Variants in TBCK observed in about 807,000 individuals in gnomAD.
TBCK encodes the protein TBC1 domain containing kinase.
In TBCK, 99 loss-of-function variants were observed where a neutral mutation model predicts 113.4. The ratio of observed to expected loss-of-function variants is 0.87; its 90% confidence interval spans 0.74 to 1.03. The LOEUF is 1.03. TBCK is among the 50% of genes least tolerant of loss of function. The probability of loss-of-function intolerance (pLI) is 0.00; values close to 1 mark genes in which losing one functional copy is unlikely to be tolerated. For missense variants in TBCK, 1,045 were observed against 1,061.3 expected (o/e 0.98, Z 0.21); for synonymous variants, 369 against 370.8 (o/e 1.00, Z 0.05).
At chr4:106,187,802 T>C (rs1753196612) in intron 22 of TBCK, among the ~76,000 whole-genome samples, 2 of 152,284 alleles carry the variant, frequency 1.3e-5, no homozygotes, top group African/African-American at 4.8e-5. Context: ...AGTAATGTAT[T>C]TTTTTATTGG....
chr4:106,118,734 A>T (rs940169104), intron 23 of TBCK, among the ~76,000 whole-genome samples: 4 of 152,250 alleles, frequency 2.6e-5, no homozygotes, highest in Non-Finnish European at 5.9e-5. Flanking sequence ...GACTAAGAAG[A>T]GGATTTGTCC....
intron 1 of TBCK, among the ~76,000 whole-genome samples, chr4:106,314,385 T>C (rs896912015): frequency 2.6e-5 from 4 of 152,088 alleles, no homozygotes; most frequent in Non-Finnish European, 5.9e-5. Context: ...TCAGAGGAGA[T>C]TGTGAATGGT....
chr4:106,042,554 T>G lies in TBCK; in HGVS notation c.*4016A>C, dbSNP rs1241458683. 2.0e-5 allele frequency: 3 copies of G among 152,036 alleles called. No individual in the cohort carries two copies. Among genetic ancestry groups the G allele is most frequent in the Non-Finnish European group, 4.4e-5 (3 of 68,000 alleles). The allele number at this position is 152,036 out of a possible 1,614,324, so 9.4% of individuals were successfully genotyped here. On this transcript the variant is annotated 3_prime_UTR_variant, in exon 26 of 26. Transcript: ENST00000394708. ...TTTTGTATTTTTAGTAGAGATGGGG[T>G]TTCACCGTGTTAGCCAGGATGGTCT...
At chr4:106,262,451 A>G (rs1762594582) in intron 3 of TBCK, among the ~76,000 whole-genome samples, 1 of 152,074 alleles carries the variant, frequency 6.6e-6, no homozygotes, top group African/African-American at 2.4e-5. Context: ...GGCTACTGTA[A>G]TAGCAGTATT....
intron 25 of TBCK, among the ~76,000 whole-genome samples, chr4:106,068,710 T>C (rs1736972968): frequency 6.6e-6 from 1 of 152,200 alleles, no homozygotes; most frequent in South Asian, 2.1e-4. Flanking sequence ...TCTAGATCCT[T>C]GAGGAATCGC....
intron 1 of TBCK, among the ~76,000 whole-genome samples, chr4:106,309,570 G>A (rs888176254): frequency 5.9e-5 from 9 of 151,884 alleles, no homozygotes; most frequent in African/African-American, 2.2e-4. Flanking sequence ...TCAAAGTGCT[G>A]GGATTACAGG....
chr4:106,056,064 T>A (rs1735346296), intron 25 of TBCK, among the ~76,000 whole-genome samples: 1 of 151,138 alleles, frequency 6.6e-6, no homozygotes, highest in South Asian at 2.1e-4. Flanking sequence ...AGTAGAAGTC[T>A]TCTTTGAATT....
chr4:106,196,484 T>C (rs763788273), intron 20 of TBCK, among the ~76,000 whole-genome samples: 6 of 152,028 alleles, frequency 3.9e-5, no homozygotes, highest in Non-Finnish European at 8.8e-5. Flanking sequence ...AAGGTGCATA[T>C]TGTCTTTGCA....
chr4:106,161,728 G>T (rs1749817911), intron 23 of TBCK, among the ~76,000 whole-genome samples: 1 of 149,996 alleles, frequency 6.7e-6, no homozygotes. Flanking sequence ...GTGTGTGTGT[G>T]TATGTGTGTA....
At chr4:106,178,250 G>A (rs1179137692) in intron 22 of TBCK, among the ~76,000 whole-genome samples, 2 of 151,830 alleles carry the variant, frequency 1.3e-5, no homozygotes, top group Non-Finnish European at 2.9e-5. Context: ...CAAATATAAG[G>A]TCATGTCATC....
chr4:106,056,211 G>GA (rs1445528631), intron 25 of TBCK, among the ~76,000 whole-genome samples: 1 of 150,376 alleles, frequency 6.6e-6, no homozygotes, highest in African/African-American at 2.4e-5. Context: ...TCTGGTAACA[G>GA]TATCAGCAAC....
intron 25 of TBCK, among the ~76,000 whole-genome samples, chr4:106,092,331 C>T (rs1005183465): frequency 1.2e-4 from 18 of 152,250 alleles, no homozygotes; most frequent in African/African-American, 4.1e-4. Flanking sequence ...GCCCAGCTGG[C>T]TTCACCCAGT....
chr4:106,211,074 G>A (rs1756071723), intron 20 of TBCK, among the ~76,000 whole-genome samples: 1 of 151,984 alleles, frequency 6.6e-6, no homozygotes, highest in South Asian at 2.1e-4. Context: ...ACCGCACCTG[G>A]TTTCCAAACA....
intron 23 of TBCK, among the ~76,000 whole-genome samples, chr4:106,123,692 C>T (rs1285588720): frequency 4.6e-5 from 7 of 152,092 alleles, no homozygotes; most frequent in Admixed American, 6.5e-5. Flanking sequence ...TCAGAAATAA[C>T]GTCGCATATC....
At chr4:106,236,936 TC>T in intron 12 of TBCK, 128 bp from the exon 13 acceptor site, 1 of 448,100 alleles carries the variant, frequency 2.2e-6, no homozygotes. Flanking sequence ...TAAAATAGAG[TC>T]TAAAAATCAG....
chr4:106,245,936 A>G (rs549493180), intron 10 of TBCK, among the ~76,000 whole-genome samples: 1 of 152,254 alleles, frequency 6.6e-6, no homozygotes, highest in African/African-American at 2.4e-5. Context: ...ATAGCAAGGG[A>G]AACTAGAAAA....
At chr4:106,292,147 T>A (rs1765788169) in intron 3 of TBCK, among the ~76,000 whole-genome samples, 1 of 152,080 alleles carries the variant, frequency 6.6e-6, no homozygotes, top group Non-Finnish European at 1.5e-5. Flanking sequence ...ACTTCTCAGG[T>A]CAAAAAGGTT....
At chr4:106,111,212 C>G (rs1162830910) in intron 24 of TBCK, among the ~76,000 whole-genome samples, 1 of 152,122 alleles carries the variant, frequency 6.6e-6, no homozygotes. Flanking sequence ...TAAAAGCTGA[C>G]CATATAGAAC....
intron 5 of TBCK, among the ~76,000 whole-genome samples, chr4:106,254,276 AG>A (rs1761747372): frequency 6.6e-6 from 1 of 152,242 alleles, no homozygotes; most frequent in Admixed American, 6.5e-5. Flanking sequence ...ACAGTAAACT[AG>A]CCTCAGCAGT....
Sources: gnomAD v4.1 joint callset for allele counts (sites outside exome capture counted in the v4.1 genomes callset) on GRCh38, gnomAD v4.1.1 for gene constraint, MANE v1.5 for transcripts, NCBI Gene and HGNC (gene_info 2026-07-23, HGNC 2026-07-21) for gene names.